The following SLC25A21 variants were observed in gnomAD, a reference collection of about 807,000 sequenced individuals.
SLC25A21 encodes the protein mitochondrial 2-oxodicarboxylate carrier.
Under a neutral mutation model 43.8 loss-of-function variants are expected in SLC25A21, and 47 were observed. That is an observed-to-expected ratio of 1.07 (90% CI 0.85 to 1.37). The LOEUF (loss-of-function observed/expected upper bound fraction) is 1.37, where lower values mean the gene tolerates loss of function less well. SLC25A21 is among the 40% of genes most tolerant of loss of function. The pLI is 0.00. For synonymous variants in SLC25A21, 131 were observed against 121.3 expected (o/e 1.08, Z -0.52); for missense variants, 352 against 350.2 (o/e 1.00, Z -0.04).
intron 1 of SLC25A21, among the ~76,000 whole-genome samples, chr14:36,923,188 C>G (rs1202230963): frequency 6.6e-6 from 1 of 151,870 alleles, no homozygotes; most frequent in Admixed American, 6.6e-5. Context: ...TGCTGTAAAG[C>G]AATGATAAAG....
intron 1 of SLC25A21, among the ~76,000 whole-genome samples, chr14:37,026,132 A>G (rs1961088316): frequency 6.6e-6 from 1 of 152,174 alleles, no homozygotes; most frequent in South Asian, 2.1e-4. Context: ...GTGAACTACT[A>G]ACATATAAGA....
intron 1 of SLC25A21, among the ~76,000 whole-genome samples, chr14:36,930,788 A>AT (rs1892265994): frequency 6.6e-6 from 1 of 152,088 alleles, no homozygotes; most frequent in African/African-American, 2.4e-5. Context: ...TGGCATCCAC[A>AT]TACCTCTCAA....
chr14:36,680,448 TA>T lies in SLC25A21; in HGVS notation c.*209del. 1 of 1,190,666 alleles carries T rather than the reference TA, an allele frequency of 8.4e-7. No homozygotes were observed. Among genetic ancestry groups the T allele is most frequent in the East Asian group, 3.4e-5 (1 of 29,838 alleles). The allele number at this position is 1,190,666 out of a possible 1,614,324, so 73.8% of individuals were successfully genotyped here. On this transcript the variant is annotated 3_prime_UTR_variant, in exon 10 of 10. Coordinates refer to ENST00000331299, the MANE Select transcript of SLC25A21 (RefSeq NM_030631.4). ...CTTTAAATACCTCATTGTTTCATAT[TA>T]TTTTTTTCTTCTCACAGTTTTATTT...
intron 1 of SLC25A21, among the ~76,000 whole-genome samples, chr14:36,953,793 A>C (rs1016559453): frequency 6.6e-6 from 1 of 152,206 alleles, no homozygotes; most frequent in Non-Finnish European, 1.5e-5. Context: ...TTCTTCAAAA[A>C]TACTTACCAC....
At chr14:37,004,336 T>C (rs1014502007) in intron 1 of SLC25A21, among the ~76,000 whole-genome samples, 3 of 152,178 alleles carry the variant, frequency 2.0e-5, no homozygotes, top group African/African-American at 7.2e-5. Context: ...AAAGACCCTA[T>C]GAAGGCTATT....
intron 7 of SLC25A21, among the ~76,000 whole-genome samples, chr14:36,698,839 C>T (rs569878427): frequency 1.3e-5 from 2 of 152,176 alleles, no homozygotes; most frequent in African/African-American, 2.4e-5. Context: ...AGGTTTTTAG[C>T]TTCCTTGCGA....
intron 1 of SLC25A21, among the ~76,000 whole-genome samples, chr14:37,096,263 T>C (rs191905260): frequency 3.9e-5 from 6 of 152,314 alleles, no homozygotes; most frequent in Admixed American, 1.3e-4. Flanking sequence ...GATAACAGAA[T>C]TGTAGTTATA....
intron 2 of SLC25A21, among the ~76,000 whole-genome samples, chr14:36,853,990 T>G (rs1179039471): frequency 6.6e-6 from 1 of 152,170 alleles, no homozygotes; most frequent in Non-Finnish European, 1.5e-5. Context: ...TTAATTCAGG[T>G]TTGACAACTA....
intron 2 of SLC25A21, among the ~76,000 whole-genome samples, chr14:36,815,661 G>A (rs1487334111): frequency 6.6e-6 from 1 of 152,124 alleles, no homozygotes; most frequent in Non-Finnish European, 1.5e-5. Context: ...CCCTCCAAAT[G>A]TGGAAGTTTC....
At chr14:37,012,179 TA>T (rs1418860998) in intron 1 of SLC25A21, among the ~76,000 whole-genome samples, 1 of 152,132 alleles carries the variant, frequency 6.6e-6, no homozygotes, top group African/African-American at 2.4e-5. Flanking sequence ...TCAAAGGTAA[TA>T]AATCCAAAGG....
At chr14:37,043,276 G>C (rs752718992) in intron 1 of SLC25A21, among the ~76,000 whole-genome samples, 3 of 152,178 alleles carry the variant, frequency 2.0e-5, no homozygotes, top group Non-Finnish European at 4.4e-5. Flanking sequence ...CACAGCCAAT[G>C]ATTTAAATGA....
At chr14:37,079,025 A>C (rs1156780187) in intron 1 of SLC25A21, among the ~76,000 whole-genome samples, 1 of 152,214 alleles carries the variant, frequency 6.6e-6, no homozygotes, top group Admixed American at 6.5e-5. Flanking sequence ...TTCCTTAAAA[A>C]ACTTTTTAAA....
At chr14:36,693,960 T>C (rs879687496) in intron 7 of SLC25A21, among the ~76,000 whole-genome samples, 19 of 152,280 alleles carry the variant, frequency 1.2e-4, no homozygotes, top group East Asian at 1.2e-3. Flanking sequence ...ATGTGCACAA[T>C]GTGCAGGTTT....
chr14:37,140,812 AAAGTT>A (rs1207846328), intron 1 of SLC25A21, among the ~76,000 whole-genome samples: 1 of 151,632 alleles, frequency 6.6e-6, no homozygotes, highest in African/African-American at 2.4e-5. Context: ...TCCCTTTGGA[AAAGTT>A]AAGTCTGGTG....
chr14:37,015,438 G>T (rs374857563), intron 1 of SLC25A21, among the ~76,000 whole-genome samples: 53 of 152,008 alleles, frequency 3.5e-4, no homozygotes, highest in African/African-American at 1.1e-3. Context: ...ATCCAGTCTA[G>T]CATTGTTGGA....
intron 3 of SLC25A21, among the ~76,000 whole-genome samples, chr14:36,801,990 G>A (rs575883072): frequency 2.0e-5 from 3 of 152,242 alleles, no homozygotes; most frequent in East Asian, 1.9e-4. Context: ...CGAAGTGCCC[G>A]AATCTAAAAA....
At chr14:37,158,496 A>G (rs1261098346) in intron 1 of SLC25A21, among the ~76,000 whole-genome samples, 1 of 152,172 alleles carries the variant, frequency 6.6e-6, no homozygotes, top group Non-Finnish European at 1.5e-5. Context: ...GATCATCTCA[A>G]TAGATGCAGA....
chr14:36,989,502 C>CTT (rs1960217155), intron 1 of SLC25A21, among the ~76,000 whole-genome samples: 2 of 139,164 alleles, frequency 1.4e-5, no homozygotes, highest in African/African-American at 6.8e-5. Flanking sequence ...TTAACTAAAT[C>CTT]ATTTTTTTTT....
At chr14:36,725,525 A>AATT in intron 6 of SLC25A21, 45 bp downstream of exon 6, 4 of 635,346 alleles carry the variant, frequency 6.3e-6, no homozygotes, top group Non-Finnish European at 7.1e-6. Flanking sequence ...ATAAATAAAT[A>AATT]AATTTTTACA....
Sources: allele counts gnomAD v4.1 joint callset (sites outside exome capture counted in the v4.1 genomes callset), GRCh38; gene constraint gnomAD v4.1.1; transcripts MANE v1.5; gene names NCBI Gene and HGNC (gene_info 2026-07-23, HGNC 2026-07-21).